Variants in SLIT3 observed in about 807,000 individuals in gnomAD.
The protein encoded by SLIT3 is slit guidance ligand 3.
Under a neutral mutation model 184.0 loss-of-function variants are expected in SLIT3, and 68 were observed. The ratio of observed to expected loss-of-function variants is 0.37; its 90% CI spans 0.30 to 0.45. SLIT3 has a LOEUF of 0.45. SLIT3 is among the 20% of genes least tolerant of loss of function. The pLI, the probability that SLIT3 is intolerant of heterozygous loss-of-function variation, is 1.00. For synonymous variants in SLIT3, 831 were observed against 828.6 expected (o/e 1.00, Z -0.05); for missense variants, 1,707 against 2,026.0 (o/e 0.84, Z 3.02).
intron 4 of SLIT3, among the ~76,000 whole-genome samples, chr5:169,086,794 G>A (rs1759319772): frequency 6.6e-6 from 1 of 152,158 alleles, no homozygotes; most frequent in South Asian, 2.1e-4. Flanking sequence ...CAGAAATGTG[G>A]ACAAAGGTTT....
intron 4 of SLIT3, among the ~76,000 whole-genome samples, chr5:169,020,011 G>C (rs144835651): frequency 7.1e-4 from 108 of 152,264 alleles, no homozygotes; most frequent in African/African-American, 2.3e-3. Flanking sequence ...GGACAAATTT[G>C]GCCGCTGCCT....
At chr5:169,011,963 T>C (rs1756174170) in intron 4 of SLIT3, among the ~76,000 whole-genome samples, 1 of 147,376 alleles carries the variant, frequency 6.8e-6, no homozygotes, top group South Asian at 2.1e-4. Context: ...TTTTTTTTGG[T>C]TTAACTAGGT....
At chr5:168,823,647 C>G (rs945376377) in intron 6 of SLIT3, among the ~76,000 whole-genome samples, 1 of 152,230 alleles carries the variant, frequency 6.6e-6, no homozygotes, top group African/African-American at 2.4e-5. Flanking sequence ...CTAATTCTTA[C>G]ATCTACAATG....
chr5:169,152,852 C>T (rs1198441043), intron 4 of SLIT3, among the ~76,000 whole-genome samples: 1 of 152,160 alleles, frequency 6.6e-6, no homozygotes, highest in African/African-American at 2.4e-5. Flanking sequence ...ATGTCACATT[C>T]CCAGAGCTTA....
At chr5:169,028,528 A>G (rs1387376998) in intron 4 of SLIT3, among the ~76,000 whole-genome samples, 1 of 152,274 alleles carries the variant, frequency 6.6e-6, no homozygotes, top group Non-Finnish European at 1.5e-5. Flanking sequence ...AGTGCCTTGT[A>G]CAGTGCCTGG....
chr5:168,863,286 G>C (rs1308920922), intron 5 of SLIT3, among the ~76,000 whole-genome samples: 1 of 152,200 alleles, frequency 6.6e-6, no homozygotes, highest in Admixed American at 6.5e-5. Flanking sequence ...TTATGGCTTT[G>C]TGAGCTGAAC....
At chr5:169,195,913 TA>T (rs1273200256) in intron 3 of SLIT3, among the ~76,000 whole-genome samples, 5 of 152,112 alleles carry the variant, frequency 3.3e-5, no homozygotes, top group Admixed American at 1.3e-4. Flanking sequence ...TTCTTAGCAA[TA>T]AAAAAACTGT....
intron 3 of SLIT3, among the ~76,000 whole-genome samples, chr5:169,199,009 T>TAC (rs562637290): frequency 0.016 from 2,307 of 146,426 alleles, 32 homozygotes; most frequent in African/African-American, 0.044. Flanking sequence ...TATATATAAA[T>TAC]ACACACACAC....
chr5:168,957,412 C>T (rs984564889), intron 4 of SLIT3, among the ~76,000 whole-genome samples: 10 of 152,126 alleles, frequency 6.6e-5, no homozygotes, highest in Admixed American at 5.2e-4. Flanking sequence ...CTGTGAAAGG[C>T]TTCGTGTTTC....
At position 168,772,837 on chromosome 5, in the gene SLIT3, C is replaced by T. The variant is rs749500817; in HGVS notation, c.1403G>A (p.Arg468His). Residue 468 changes from arginine to histidine, a missense_variant, in exon 14 of 36, where the codon CGC becomes CAC. Physicochemically the swap from Arg to His is conservative, Grantham distance 29. This residue lies in a region of SLIT3 where 1,307 missense variants were observed against 1,511.6 expected (regional missense o/e 0.86). Transcript: ENST00000519560. The part of the protein sequence containing the change: ...ETSGARCSSP[R>H]RLANKRISQI... ...GCTGATGCGCTTGTTGGCGAGTCGG[C>T]GCGGGCTGCTGCAGCGGGCCCCGCT... 18 of 1,613,926 alleles carry T rather than the reference C, an allele frequency of 1.1e-5. 1 individual carries two copies. Among genetic ancestry groups the T allele is most frequent in the East Asian group, 2.2e-5 (1 of 44,876 alleles).
chr5:169,078,715 T>C (rs1211535449), intron 4 of SLIT3, among the ~76,000 whole-genome samples: 1 of 152,210 alleles, frequency 6.6e-6, no homozygotes, highest in Non-Finnish European at 1.5e-5. Context: ...AATATCTCAA[T>C]ACATAATTTC....
At chr5:168,807,151 G>A (rs968212936) in intron 8 of SLIT3, among the ~76,000 whole-genome samples, 2 of 151,950 alleles carry the variant, frequency 1.3e-5, no homozygotes, top group East Asian at 1.9e-4. Flanking sequence ...AAGCTATCTC[G>A]CCTGAAAAAA....
Position 168,724,457 on chromosome 5 carries a change from G to A in SLIT3, c.2298C>T (p.Ala766=), listed in dbSNP as rs142602636. Residue 766 remains alanine, a synonymous_variant, in exon 21 of 36, where the codon GCC becomes GCT. Transcript: ENST00000519560. ...ELYLEGNHLT[A]VPRELSALRH... ...GGAGGGCGGACAGCTCTCTGGGCAC[G>A]GCTGTTAGGTGGTTTCCTTCCAGGT... 29 of 1,613,172 alleles carry A rather than the reference G, an allele frequency of 1.8e-5. No individual in the cohort carries two copies. Among genetic ancestry groups the A allele is most frequent in the East Asian group, 2.2e-5 (1 of 44,872 alleles).
intron 3 of SLIT3, among the ~76,000 whole-genome samples, chr5:169,236,478 G>GT (rs56961775): frequency 0.035 from 4,999 of 143,654 alleles, 99 homozygotes; most frequent in Admixed American, 0.047. Flanking sequence ...GTTTTGTTTT[G>GT]TTTTTTTTTT....
intron 32 of SLIT3, among the ~76,000 whole-genome samples, chr5:168,677,267 C>T (rs1026275507): frequency 2.6e-5 from 4 of 152,140 alleles, no homozygotes; most frequent in Non-Finnish European, 5.9e-5. Context: ...CATCTTACAA[C>T]ATTGGTTTTT....
At chr5:169,134,400 T>C (rs976767294) in intron 4 of SLIT3, among the ~76,000 whole-genome samples, 1 of 152,194 alleles carries the variant, frequency 6.6e-6, no homozygotes, top group Non-Finnish European at 1.5e-5. Flanking sequence ...AAGGTCTTCA[T>C]GCTTGCTGCT....
At chr5:169,044,655 G>A (rs1005893947) in intron 4 of SLIT3, among the ~76,000 whole-genome samples, 2 of 151,988 alleles carry the variant, frequency 1.3e-5, no homozygotes, top group Non-Finnish European at 2.9e-5. Context: ...GGATGCTCTG[G>A]AATTAGACAG....
intron 8 of SLIT3, among the ~76,000 whole-genome samples, chr5:168,809,424 C>A (rs1480859542): frequency 2.0e-5 from 3 of 152,156 alleles, no homozygotes; most frequent in African/African-American, 7.2e-5. Context: ...AGCTCACCAG[C>A]CAGGCATTCG....
At chr5:168,862,378 G>A (rs1759144446) in intron 5 of SLIT3, among the ~76,000 whole-genome samples, 1 of 152,074 alleles carries the variant, frequency 6.6e-6, no homozygotes, top group African/African-American at 2.4e-5. Flanking sequence ...ATAAGGTATG[G>A]GCAGCAAAAG....
Sources: allele counts gnomAD v4.1 joint callset (sites outside exome capture counted in the v4.1 genomes callset), GRCh38; gene constraint gnomAD v4.1.1; regional missense constraint gnomAD v4.1.1; transcripts MANE v1.5; gene names NCBI Gene and HGNC (gene_info 2026-07-23, HGNC 2026-07-21).